SYT1: variants seen among roughly 807,000 people sequenced by gnomAD.
The protein encoded by SYT1 is synaptotagmin 1, also known as synaptotagmin-1.
Under a neutral mutation model 44.8 loss-of-function variants are expected in SYT1, and 8 were observed. The observed-to-expected ratio is 0.18, with a 90% CI of 0.10 to 0.32. The LOEUF (loss-of-function observed/expected upper bound fraction) is 0.32, where lower values mean the gene tolerates loss of function less well. SYT1 is among the 10% of genes least tolerant of loss of function. The pLI, the probability that SYT1 is intolerant of heterozygous loss-of-function variation, is 1.00. For synonymous variants in SYT1, 154 were observed against 188.8 expected (o/e 0.82, Z 1.51); for missense variants, 286 against 509.3 (o/e 0.56, Z 4.22).
intron 3 of SYT1, among the ~76,000 whole-genome samples, chr12:79,088,667 A>G (rs1877551963): frequency 6.6e-6 from 1 of 151,976 alleles, no homozygotes; most frequent in African/African-American, 2.4e-5. Flanking sequence ...CACTCTGAAT[A>G]GATTGGAGGA....
chr12:79,011,357 G>A (rs781739688), intron 2 of SYT1, among the ~76,000 whole-genome samples: 3 of 152,164 alleles, frequency 2.0e-5, no homozygotes, highest in Non-Finnish European at 4.4e-5. Flanking sequence ...TTACAAGGAA[G>A]TGTGATGAGT....
intron 8 of SYT1, among the ~76,000 whole-genome samples, chr12:79,310,054 C>A (rs1015083497): frequency 6.6e-6 from 1 of 152,220 alleles, no homozygotes; most frequent in South Asian, 2.1e-4. Flanking sequence ...GCTTTTGTTG[C>A]CATTGCTTTT....
At position 79,414,350 on chromosome 12, in the gene SYT1, T is replaced by A. The variant is rs373721728; in HGVS notation, c.929-29723T>A. Among the ~76,000 whole-genome samples the A allele has an allele frequency of 5.9e-4, 90 of 152,088 alleles. 1 individual carries two copies. Among genetic ancestry groups the A allele is most frequent in the African/African-American group, 1.9e-3 (80 of 41,490 alleles). On this transcript the variant is annotated intron_variant, in intron 9 of 10. Transcript: ENST00000261205. ...AGTGGCAGCAGATGAGGATTCTGAG[T>A]GTGTTTGTGTGTGTGTATGTGTGTG...
At chr12:79,295,007 A>C (rs1879811249) in intron 6 of SYT1, among the ~76,000 whole-genome samples, 1 of 152,188 alleles carries the variant, frequency 6.6e-6, no homozygotes, top group Non-Finnish European at 1.5e-5. Flanking sequence ...ACGGTGGGTC[A>C]CAATTAAAAT....
chr12:78,868,393 G>A (rs1873652871), intron 1 of SYT1, among the ~76,000 whole-genome samples: 1 of 151,760 alleles, frequency 6.6e-6, no homozygotes, highest in Non-Finnish European at 1.5e-5. Context: ...TGATGTAGTT[G>A]TGATATTTTA....
intron 8 of SYT1, among the ~76,000 whole-genome samples, chr12:79,351,993 A>G (rs1377479569): frequency 6.6e-6 from 1 of 152,100 alleles, no homozygotes; most frequent in Non-Finnish European, 1.5e-5. Context: ...TAACATAGAG[A>G]TGTATGGTAA....
chr12:79,122,594 T>C (rs1868294606), intron 3 of SYT1, among the ~76,000 whole-genome samples: 2 of 150,344 alleles, frequency 1.3e-5, no homozygotes, highest in African/African-American at 2.5e-5. Flanking sequence ...TTCCAATAAA[T>C]TGAGCTATTA....
At chr12:79,047,531 A>G (rs1874157945) in intron 3 of SYT1, among the ~76,000 whole-genome samples, 169 bp downstream of exon 3, 1 of 151,886 alleles carries the variant, frequency 6.6e-6, no homozygotes, top group Non-Finnish European at 1.5e-5. Flanking sequence ...CATTTGTCCT[A>G]TAATCCTCTT....
intron 1 of SYT1, among the ~76,000 whole-genome samples, chr12:78,896,362 T>C (rs17045884): frequency 0.081 from 12,232 of 151,720 alleles, 576 homozygotes; most frequent in African/African-American, 0.13. Flanking sequence ...AAGAAATAAC[T>C]GGGAAGATGC....
At chr12:79,031,903 G>A (rs1261658120) in intron 2 of SYT1, among the ~76,000 whole-genome samples, 1 of 150,848 alleles carries the variant, frequency 6.6e-6, no homozygotes, top group African/African-American at 2.4e-5. Flanking sequence ...GATGCAAGCT[G>A]GCATGTAAGC....
chr12:79,251,150 A>G (rs1266444374), intron 4 of SYT1, among the ~76,000 whole-genome samples: 1 of 152,206 alleles, frequency 6.6e-6, no homozygotes, highest in Non-Finnish European at 1.5e-5. Flanking sequence ...GTACTCAGCT[A>G]TAGACTAATC....
At chr12:79,005,187 T>C (rs1385358477) in intron 2 of SYT1, among the ~76,000 whole-genome samples, 2 of 152,066 alleles carry the variant, frequency 1.3e-5, no homozygotes, top group African/African-American at 4.8e-5. Context: ...CAACATGTGT[T>C]ATAGGCCAGC....
intron 3 of SYT1, among the ~76,000 whole-genome samples, chr12:79,146,132 A>G (rs555060158): frequency 1.2e-4 from 18 of 152,258 alleles, no homozygotes; most frequent in African/African-American, 4.1e-4. Flanking sequence ...AACAAAAACC[A>G]CTTCAGACTT....
rs61927266 is a variant in SYT1, at chr12:79,114,853, A to G, written c.-18+67491A>G. On this transcript the variant is annotated intron_variant, in intron 3 of 10. Transcript: ENST00000261205. ...AGTTTCTACAATTGAAAATTTCAGC[A>G]TTTTTCACATAATCTCAAAAATACC... is the stretch of plus-strand genomic sequence containing the variant. 9.4e-3 allele frequency among the ~76,000 whole-genome samples: 1,434 copies of G among 152,270 alleles called. 6 individuals carry two copies. Among genetic ancestry groups the G allele is most frequent in the Non-Finnish European group, 0.014 (948 of 68,006 alleles).
chr12:78,912,955 G>T (rs1441567330), intron 1 of SYT1, among the ~76,000 whole-genome samples: 2 of 151,710 alleles, frequency 1.3e-5, no homozygotes, highest in South Asian at 2.1e-4. Flanking sequence ...CATAAGACTG[G>T]AAAGTTATAT....
rs139741519 is a variant in SYT1, at chr12:79,035,901, G to C, written c.-83-11396G>C. Among the ~76,000 whole-genome samples, 13 of 144,822 alleles carry C rather than the reference G, an allele frequency of 9.0e-5. No individual in the cohort carries two copies. The East Asian group carries it at 2.6e-3, about 30-fold the overall frequency. The stretch of plus-strand genomic sequence containing the variant: ...TAAGTGCCCTGGCCTCTCTTTCCAA[G>C]AACACCTAGGAGAATATGACAATGA... On this transcript the variant is annotated intron_variant, in intron 2 of 10. Coordinates refer to ENST00000261205, the MANE Select transcript of SYT1 (RefSeq NM_005639.3).
At chr12:79,144,589 G>A (rs1231898890) in intron 3 of SYT1, among the ~76,000 whole-genome samples, 2 of 152,302 alleles carry the variant, frequency 1.3e-5, no homozygotes, top group East Asian at 3.9e-4. Context: ...GAGGTAGATG[G>A]CTCTTGCAAC....
At chr12:78,953,441 A>G (rs1241070210) in intron 1 of SYT1, among the ~76,000 whole-genome samples, 2 of 152,086 alleles carry the variant, frequency 1.3e-5, no homozygotes, top group African/African-American at 2.4e-5. Context: ...AGTGTGGCAC[A>G]TTAGAAGTAT....
intron 3 of SYT1, among the ~76,000 whole-genome samples, chr12:79,132,774 T>C (rs1365655274): frequency 2.0e-5 from 3 of 149,564 alleles, no homozygotes; most frequent in Non-Finnish European, 3.0e-5. Flanking sequence ...AGGAAATCAG[T>C]ATATCAAAGG....
Sources: allele counts gnomAD v4.1 joint callset (sites outside exome capture counted in the v4.1 genomes callset), GRCh38; gene constraint gnomAD v4.1.1; transcripts MANE v1.5; gene names NCBI Gene and HGNC (gene_info 2026-07-23, HGNC 2026-07-21).